The following RANBP17 variants were observed in gnomAD, a reference collection of about 807,000 sequenced individuals.
The protein encoded by RANBP17 is ran-binding protein 17.
In RANBP17, 158 loss-of-function variants were observed where a neutral mutation model predicts 141.2. The observed-to-expected ratio is 1.12, with a 90% CI of 0.98 to 1.28. The LOEUF (loss-of-function observed/expected upper bound fraction) is 1.28, where lower values mean the gene tolerates loss of function less well. RANBP17 is among the 50% of genes most tolerant of loss of function. The pLI, the probability that RANBP17 is intolerant of heterozygous loss-of-function variation, is 0.00. For missense variants in RANBP17, 1,438 were observed against 1,290.7 expected (o/e 1.11, Z -1.75); for synonymous variants, 430 against 450.0 (o/e 0.96, Z 0.56).
intron 22 of RANBP17, among the ~76,000 whole-genome samples, chr5:171,238,216 T>C (rs1221369457): frequency 6.6e-6 from 1 of 152,186 alleles, no homozygotes; most frequent in African/African-American, 2.4e-5. Flanking sequence ...TTGTGGGAGT[T>C]ATTTGTATCC....
chr5:170,883,055 T>TA (rs1231879153), intron 3 of RANBP17, among the ~76,000 whole-genome samples: 1 of 152,242 alleles, frequency 6.6e-6, no homozygotes, highest in Non-Finnish European at 1.5e-5. Flanking sequence ...CTCACAATGA[T>TA]ACCTTGTTTT....
chr5:171,165,792 G>A (rs563444946), intron 14 of RANBP17, among the ~76,000 whole-genome samples: 1 of 152,230 alleles, frequency 6.6e-6, no homozygotes, highest in African/African-American at 2.4e-5. Flanking sequence ...AGAAGTGCCC[G>A]TAACAGGCTG....
rs1561886339 is a variant in RANBP17 at position 170,916,079 on chromosome 5, A to ATTATATTCTATATTGCATTATCATGCG, written c.835-337_835-311dup. ...TGCTTTTTATATTGCATTATAATGCATTATATTCTATATTGCATTATCATG... is the reference window on the plus strand; with the variant it reads ...TGCTTTTTATATTGCATTATAATGCATTATATTCTATATTGCATTATCATGCGTTATATTCTATATTGCATTATCATG... On this transcript the variant is annotated intron_variant, in intron 8 of 27. Transcript: ENST00000523189. 3.1e-3 allele frequency among the ~76,000 whole-genome samples: 467 copies of ATTATATTCTATATTGCATTATCATGCG among 150,752 alleles called. 10 individuals carry two copies. The highest frequency in any genetic ancestry group is 1.0e-2 in the African/African-American group (407 of 40,768).
intron 14 of RANBP17, among the ~76,000 whole-genome samples, chr5:171,147,675 A>G (rs1229636123): frequency 1.3e-5 from 2 of 151,794 alleles, no homozygotes; most frequent in African/African-American, 4.8e-5. Flanking sequence ...CAGCCTCCCA[A>G]AGTACTGAGA....
At chr5:171,074,811 T>C (rs760783821) in intron 14 of RANBP17, among the ~76,000 whole-genome samples, 8 of 152,188 alleles carry the variant, frequency 5.3e-5, no homozygotes, top group Non-Finnish European at 8.8e-5. Flanking sequence ...ATTATATCAA[T>C]ACCTGAAAAA....
chr5:171,007,750 A>G (rs905520214), intron 14 of RANBP17, among the ~76,000 whole-genome samples: 2 of 152,158 alleles, frequency 1.3e-5, no homozygotes, highest in African/African-American at 4.8e-5. Context: ...TCGAGTTTGT[A>G]CTGGGGCCAA....
chr5:171,023,119 A>C (rs1780991787), intron 14 of RANBP17, among the ~76,000 whole-genome samples: 1 of 152,196 alleles, frequency 6.6e-6, no homozygotes, highest in Admixed American at 6.5e-5. Flanking sequence ...AGTTCTGATG[A>C]GAGAACCTGG....
In RANBP17 at chr5:170,862,028, G is replaced by T; in HGVS notation, c.-6G>T. 2.7e-6 allele frequency: 4 copies of T among 1,460,908 alleles called. No homozygotes were observed. The highest frequency in any genetic ancestry group is 3.0e-5 in the East Asian group (1 of 32,920). 90.5% of individuals were successfully genotyped at this position (1,460,908 alleles called of 1,614,324 possible). A position where few individuals can be genotyped will look rare whatever the true frequency, so the allele number is the denominator to read the frequency against. On this transcript the variant is annotated 5_prime_UTR_variant, in exon 1 of 28. Transcript: ENST00000523189. ...GGCCGGCTGGCCGGCGCCGCCTCCT[G>T]GGAAGATGGCGCTGCACTTCCAGGT...
Position 170,987,608 on chromosome 5 carries a change from G to T in RANBP17, c.1710+19231G>T, listed in dbSNP as rs542593119. Among the ~76,000 whole-genome samples the T allele has an allele frequency of 1.8e-3, 272 of 151,544 alleles. 1 individual carries two copies. The highest frequency in any genetic ancestry group is 6.4e-3 in the African/African-American group (266 of 41,418). ...TCCTACATGGTAATATATATTAACTGTTTTTAAAAACACACATTTTATACC... is the reference window on the plus strand; with the variant it reads ...TCCTACATGGTAATATATATTAACTTTTTTTAAAAACACACATTTTATACC... On this transcript the variant is annotated intron_variant, in intron 14 of 27. Transcript: ENST00000523189.
intron 21 of RANBP17, among the ~76,000 whole-genome samples, chr5:171,213,946 G>A (rs1402166288): frequency 2.0e-5 from 3 of 152,136 alleles, no homozygotes; most frequent in Non-Finnish European, 2.9e-5. Flanking sequence ...GCTGTCTATG[G>A]GGACTAGGGA....
At chr5:171,227,770 G>A (rs1169183057) in intron 22 of RANBP17, among the ~76,000 whole-genome samples, 1 of 152,168 alleles carries the variant, frequency 6.6e-6, no homozygotes, top group East Asian at 1.9e-4. Context: ...TGAAGTTGAA[G>A]CCAATGCTCA....
chr5:170,974,642 T>C (rs1370098272), intron 14 of RANBP17, among the ~76,000 whole-genome samples: 1 of 152,164 alleles, frequency 6.6e-6, no homozygotes, highest in African/African-American at 2.4e-5. Context: ...ACCCTCTGAG[T>C]TGTACAGCTG....
chr5:171,093,670 G>T (rs573444860), intron 14 of RANBP17, among the ~76,000 whole-genome samples: 1 of 152,158 alleles, frequency 6.6e-6, no homozygotes, highest in Non-Finnish European at 1.5e-5. Context: ...GTTATTTTCA[G>T]TTTAGTTTTA....
chr5:170,862,521 C>CCGGAG (rs921044487), intron 1 of RANBP17, among the ~76,000 whole-genome samples: 2 of 152,194 alleles, frequency 1.3e-5, no homozygotes, highest in African/African-American at 2.4e-5. Context: ...TGAGCCCCAG[C>CCGGAG]CGGAGCGGGG....
intron 14 of RANBP17, among the ~76,000 whole-genome samples, chr5:170,987,457 T>C (rs765372692): frequency 1.3e-5 from 2 of 151,632 alleles, no homozygotes; most frequent in Non-Finnish European, 3.0e-5. Context: ...CTAGATAGTT[T>C]TATTGTTCAG....
intron 1 of RANBP17, among the ~76,000 whole-genome samples, chr5:170,874,520 G>A (rs1025863524): frequency 1.3e-5 from 2 of 152,084 alleles, no homozygotes; most frequent in Non-Finnish European, 2.9e-5. Flanking sequence ...CTCCTGCATC[G>A]GTTGCATATA....
At chr5:171,224,283 G>C (rs778120616) in intron 22 of RANBP17, among the ~76,000 whole-genome samples, 3 of 152,216 alleles carry the variant, frequency 2.0e-5, no homozygotes, top group Admixed American at 1.3e-4. Context: ...TTAGTAATCA[G>C]TAGAACTTTA....
intron 14 of RANBP17, among the ~76,000 whole-genome samples, chr5:171,134,862 T>C (rs952526750): frequency 6.6e-6 from 1 of 151,432 alleles, no homozygotes. Flanking sequence ...GCAGAGGTTA[T>C]AGTGAGCTGA....
chr5:171,076,964 G>A (rs1486230103), intron 14 of RANBP17, among the ~76,000 whole-genome samples: 2 of 152,118 alleles, frequency 1.3e-5, no homozygotes, highest in South Asian at 2.1e-4. Flanking sequence ...GAGAATTAGA[G>A]TATTACCATT....
Sources: allele counts gnomAD v4.1 joint callset (sites outside exome capture counted in the v4.1 genomes callset), GRCh38; gene constraint gnomAD v4.1.1; transcripts MANE v1.5; gene names NCBI Gene and HGNC (gene_info 2026-07-23, HGNC 2026-07-21).